Variants in NAV2 observed in about 807,000 individuals in gnomAD.
NAV2 encodes the protein helicase, APC down-regulated 1.
In NAV2, 54 loss-of-function variants were observed where a neutral mutation model predicts 223.2. That is an observed-to-expected ratio of 0.24 (90% CI 0.19 to 0.30). The LOEUF (loss-of-function observed/expected upper bound fraction) is 0.30, where lower values mean the gene tolerates loss of function less well. Ranked by LOEUF, NAV2 falls within the 10% of genes least tolerant of loss-of-function variation. NAV2 has a pLI of 1.00. For missense variants in NAV2, 2,806 were observed against 3,147.5 expected (o/e 0.89, Z 2.60); for synonymous variants, 1,279 against 1,239.3 (o/e 1.03, Z -0.67).
In NAV2 at chr11:20,096,692, C is replaced by T. The variant is rs142486339; in HGVS notation, c.6013-885C>T. On this transcript the variant is annotated intron_variant, in intron 30 of 37. Transcript: ENST00000349880. The stretch of plus-strand genomic sequence containing the variant: ...ACTTTTGCAACAACCTAATAGTACA[C>T]TATAGTTTCTTTCTAACAGCTAGAT... Among the ~76,000 whole-genome samples, 469 of 152,294 alleles carry T rather than the reference C, an allele frequency of 3.1e-3. 3 individuals carry two copies. Among genetic ancestry groups the T allele is most frequent in the African/African-American group, 0.011 (448 of 41,576 alleles).
intron 1 of NAV2, among the ~76,000 whole-genome samples, chr11:19,493,772 C>T (rs888888780): frequency 6.6e-6 from 1 of 152,220 alleles, no homozygotes; most frequent in Non-Finnish European, 1.5e-5. Flanking sequence ...TCCCTTCTAG[C>T]ATCTTCTCTG....
At chr11:19,636,489 ATTTTT>A (rs5790080) in intron 1 of NAV2, among the ~76,000 whole-genome samples, 2 of 136,234 alleles carry the variant, frequency 1.5e-5, no homozygotes, top group African/African-American at 2.7e-5. Context: ...GTTCTGCAGT[ATTTTT>A]TTTTTTTTTT....
At chr11:19,528,996 G>C (rs2043939486) in intron 1 of NAV2, among the ~76,000 whole-genome samples, 1 of 145,330 alleles carries the variant, frequency 6.9e-6, no homozygotes, top group African/African-American at 2.5e-5. Flanking sequence ...TAAAGAAAAA[G>C]AAACCTAAAA....
chr11:19,400,303 C>G (rs1403671008), intron 1 of NAV2, among the ~76,000 whole-genome samples: 1 of 152,168 alleles, frequency 6.6e-6, no homozygotes, highest in Non-Finnish European at 1.5e-5. Context: ...GCTCCATCTC[C>G]CTGCTATGTT....
chr11:19,997,308 C>A (rs541450713), intron 11 of NAV2, among the ~76,000 whole-genome samples: 1 of 152,158 alleles, frequency 6.6e-6, no homozygotes, highest in East Asian at 1.9e-4. Flanking sequence ...CCTCCAGGGC[C>A]CCTCCAACTT....
At chr11:20,067,530 T>C (rs1366570341) in intron 20 of NAV2, among the ~76,000 whole-genome samples, 2 of 152,052 alleles carry the variant, frequency 1.3e-5, no homozygotes, top group African/African-American at 4.8e-5. Context: ...CAGGCTAGAG[T>C]GCAGTGGTGT....
At chr11:20,069,164 C>A (rs2059235513) in intron 22 of NAV2, among the ~76,000 whole-genome samples, 1 of 151,982 alleles carries the variant, frequency 6.6e-6, no homozygotes, top group South Asian at 2.1e-4. Context: ...GAGGAGGTGA[C>A]ATCTAATGGA....
At chr11:19,932,236 C>CAAAAAAAAAAAA (rs398015484) in intron 6 of NAV2, among the ~76,000 whole-genome samples, 134 of 78,914 alleles carry the variant, frequency 1.7e-3, no homozygotes, top group Non-Finnish European at 2.1e-3. Flanking sequence ...CACTCTTAAG[C>CAAAAAAAAAAAA]AAAAAAAAAA....
At chr11:19,374,829 A>G (rs759911199) in intron 1 of NAV2, among the ~76,000 whole-genome samples, 12 of 152,104 alleles carry the variant, frequency 7.9e-5, no homozygotes, top group Non-Finnish European at 7.4e-5. Flanking sequence ...GTATTACTCA[A>G]TGCCTCTCCT....
At chr11:19,452,662 C>T (rs1851829318) in intron 1 of NAV2, among the ~76,000 whole-genome samples, 2 of 152,232 alleles carry the variant, frequency 1.3e-5, no homozygotes, top group South Asian at 4.1e-4. Context: ...AGAACACTTA[C>T]ATTAGCCTAC....
At chr11:19,367,747 A>G (rs2133835695) in intron 1 of NAV2, among the ~76,000 whole-genome samples, 1 of 152,262 alleles carries the variant, frequency 6.6e-6, no homozygotes, top group East Asian at 1.9e-4. Context: ...AGAGAAGCCC[A>G]ATATTTAGGG....
intron 1 of NAV2, among the ~76,000 whole-genome samples, chr11:19,378,373 C>T (rs1301802357): frequency 5.9e-5 from 9 of 152,140 alleles, no homozygotes; most frequent in Admixed American, 5.9e-4. Flanking sequence ...TCCTTGGCAA[C>T]ATGCCCCTGG....
chr11:19,841,862 G>A (rs570507578), intron 2 of NAV2, among the ~76,000 whole-genome samples: 6 of 152,232 alleles, frequency 3.9e-5, no homozygotes, highest in South Asian at 2.1e-4. Flanking sequence ...TACTTACTAC[G>A]TGTTGGGCAC....
chr11:20,023,098 T>G, intron 11 of NAV2: 1 of 1,551,816 alleles, frequency 6.4e-7, no homozygotes, highest in Non-Finnish European at 8.7e-7. Context: ...AGGGCCGCAA[T>G]GTAGTGAAAT....
At chr11:19,660,340 C>A (rs966067116) in intron 1 of NAV2, among the ~76,000 whole-genome samples, 1 of 152,200 alleles carries the variant, frequency 6.6e-6, no homozygotes, top group Non-Finnish European at 1.5e-5. Context: ...TGTCTGGTTT[C>A]TTTTCTCGTG....
At chr11:20,038,649 G>A (rs932175220) in intron 12 of NAV2, among the ~76,000 whole-genome samples, 4 of 152,180 alleles carry the variant, frequency 2.6e-5, no homozygotes, top group African/African-American at 4.8e-5. Context: ...CAAGAGCTGC[G>A]CCTTCTATGC....
At chr11:19,453,579 A>G (rs773702390) in intron 1 of NAV2, among the ~76,000 whole-genome samples, 2 of 152,184 alleles carry the variant, frequency 1.3e-5, no homozygotes, top group African/African-American at 2.4e-5. Context: ...GATCAGCCTG[A>G]AATGTATGTC....
At chr11:19,436,433 A>G (rs12798963) in intron 1 of NAV2, among the ~76,000 whole-genome samples, 34,048 of 152,082 alleles carry the variant, frequency 0.22, 4,792 homozygotes, top group Non-Finnish European at 0.32. Flanking sequence ...CCATTGGTCT[A>G]TGTGTGTTTT....
intron 11 of NAV2, chr11:20,022,938 C>T: frequency 7.5e-7 from 1 of 1,330,842 alleles, no homozygotes; most frequent in Non-Finnish European, 1.0e-6. Context: ...TCTTTCCTGG[C>T]CTGGGGAATG....
Sources: gnomAD v4.1 joint callset for allele counts (sites outside exome capture counted in the v4.1 genomes callset) on GRCh38, gnomAD v4.1.1 for gene constraint, MANE v1.5 for transcripts, NCBI Gene and HGNC (gene_info 2026-07-23, HGNC 2026-07-21) for gene names.